Variants in USH2A observed in about 807,000 individuals in gnomAD.
The protein encoded by USH2A is usherin.
In USH2A, 443 loss-of-function variants were observed where a neutral mutation model predicts 538.9. The observed-to-expected ratio is 0.82, with a 90% CI of 0.76 to 0.89. The LOEUF is 0.89. Among genes scored for constraint, USH2A ranks in the 40% least tolerant of loss-of-function variants. The pLI is 0.00. For missense variants in USH2A, 6,633 were observed against 6,324.8 expected (o/e 1.05, Z -1.65); for synonymous variants, 2,413 against 2,273.5 (o/e 1.06, Z -1.75).
In USH2A at chr1:215,819,688, A is replaced by G. The variant is rs571929470; in HGVS notation, c.9372-2493T>C. ...TCCACAAAAGCTCGTGAACTAGTAAAGTCTAGAAAATACCACGTAGAGCAC... is the reference window on the plus strand; with the variant it reads ...TCCACAAAAGCTCGTGAACTAGTAAGGTCTAGAAAATACCACGTAGAGCAC... On this transcript the variant is annotated intron_variant, in intron 47 of 71. Transcript: ENST00000307340. Among the ~76,000 whole-genome samples, 5 of 151,956 alleles carry G rather than the reference A, an allele frequency of 3.3e-5. No homozygotes were observed. In the South Asian group the frequency reaches 1.0e-3, roughly 31 times the overall value.
At position 215,888,419 on chromosome 1, in the gene USH2A, A is replaced by G. The variant is rs1220194737; in HGVS notation, c.8223+7T>C. ...CTGCAAAGGAGAGAGAATAGTCAGT[A>G]TCTTACCTGGACTGCATCGGGTTCC... On this transcript the variant is annotated splice_region_variant and intron_variant, in intron 41 of 71. Transcript: ENST00000307340. 23 of 1,612,468 alleles carry G rather than the reference A, an allele frequency of 1.4e-5. No homozygotes were observed. Among genetic ancestry groups the G allele is most frequent in the East Asian group, 2.2e-5 (1 of 44,892 alleles).
intron 31 of USH2A, among the ~76,000 whole-genome samples, chr1:216,047,020 C>T (rs571193894): frequency 7.3e-4 from 111 of 152,238 alleles, no homozygotes; most frequent in African/African-American, 2.5e-3. Flanking sequence ...ATTGCCAGAG[C>T]TCGCATAACC....
At position 215,844,512 on chromosome 1, in the gene USH2A, G is replaced by A. The variant is rs915790630; in HGVS notation, c.9056-16C>T. The A allele has an allele frequency of 6.2e-7, 1 of 1,604,206 alleles. No individual in the cohort carries two copies. Among genetic ancestry groups the A allele is most frequent in the Non-Finnish European group, 8.5e-7 (1 of 1,179,338 alleles). The stretch of plus-strand genomic sequence containing the variant: ...CCCTGAGGCTCTAGAATTAAAGGAA[G>A]AAACTGAATAAACTCCAGCTGTCTC... On this transcript the variant is annotated splice_polypyrimidine_tract_variant and intron_variant, in intron 45 of 71. Coordinates refer to ENST00000307340, the MANE Select transcript of USH2A (RefSeq NM_206933.4).
chr1:215,990,627 A>C (rs1253358441), intron 35 of USH2A, among the ~76,000 whole-genome samples: 1 of 152,134 alleles, frequency 6.6e-6, no homozygotes, highest in Non-Finnish European at 1.5e-5. Flanking sequence ...GAGAAGAGGG[A>C]AAGTTTACTT....
chr1:216,150,329 C>T (rs2033806945), intron 21 of USH2A, among the ~76,000 whole-genome samples: 1 of 151,986 alleles, frequency 6.6e-6, no homozygotes, highest in African/African-American at 2.4e-5. Context: ...CCAATACTTC[C>T]ACCCTGATGA....
intron 32 of USH2A, among the ~76,000 whole-genome samples, chr1:216,014,764 G>A (rs1236942054): frequency 6.6e-6 from 1 of 152,206 alleles, no homozygotes; most frequent in African/African-American, 2.4e-5. Context: ...GCATCCCAGT[G>A]CATGGAAACC....
chr1:216,026,826 A>G (rs764304087), intron 32 of USH2A, among the ~76,000 whole-genome samples: 3 of 152,190 alleles, frequency 2.0e-5, no homozygotes, highest in Non-Finnish European at 4.4e-5. Context: ...GTTAAACCAC[A>G]TATGTCTACA....
intron 26 of USH2A, among the ~76,000 whole-genome samples, chr1:216,081,065 C>T (rs2031926491): frequency 6.6e-6 from 1 of 152,080 alleles, no homozygotes; most frequent in South Asian, 2.1e-4. Context: ...AACAAGTTCT[C>T]ATACCCGTAT....
chr1:216,224,618 G>T (rs1050122835), intron 14 of USH2A, among the ~76,000 whole-genome samples: 3 of 152,074 alleles, frequency 2.0e-5, no homozygotes, highest in Non-Finnish European at 4.4e-5. Flanking sequence ...GTGTTGCCTG[G>T]ATTTTTGTTG....
chr1:215,789,577 C>A (rs1661915240), intron 51 of USH2A, among the ~76,000 whole-genome samples: 1 of 152,290 alleles, frequency 6.6e-6, no homozygotes, highest in Admixed American at 6.5e-5. Context: ...ACTTTTGACA[C>A]AGGCATTTGC....
chr1:215,915,431 T>C (rs572325326), intron 38 of USH2A, among the ~76,000 whole-genome samples: 18 of 152,094 alleles, frequency 1.2e-4, no homozygotes, highest in Non-Finnish European at 2.2e-4. Flanking sequence ...AACAAATGTG[T>C]CGTTTAAATT....
intron 38 of USH2A, 36 bp downstream of exon 38, chr1:215,934,580 T>C (rs375924932): frequency 4.7e-5 from 75 of 1,599,254 alleles, no homozygotes; most frequent in Non-Finnish European, 6.0e-5. Context: ...AGGGCATTTA[T>C]ATAAAATTAG....
At chr1:216,198,680 T>G in intron 17 of USH2A, 96 bp from the exon 18 acceptor site, 2 of 1,078,384 alleles carry the variant, frequency 1.9e-6, no homozygotes, top group Non-Finnish European at 2.7e-6. Flanking sequence ...GTGCTGGATA[T>G]TCATTGTCTT....
intron 3 of USH2A, among the ~76,000 whole-genome samples, chr1:216,372,392 A>G (rs1043046642): frequency 6.6e-6 from 1 of 152,136 alleles, no homozygotes; most frequent in Non-Finnish European, 1.5e-5. Flanking sequence ...AAGCCAAGCC[A>G]GGCTCTTGAA....
chr1:216,233,216 C>T (rs935424407), intron 13 of USH2A, among the ~76,000 whole-genome samples: 4 of 152,086 alleles, frequency 2.6e-5, no homozygotes, highest in Non-Finnish European at 5.9e-5. Context: ...CTCATCCCCC[C>T]GCTCAGTCCA....
At chr1:216,295,878 A>G (rs1021714275) in intron 9 of USH2A, among the ~76,000 whole-genome samples, 1 of 151,814 alleles carries the variant, frequency 6.6e-6, no homozygotes, top group Admixed American at 6.6e-5. Context: ...TACAGAATAA[A>G]TAGTAACACA....
intron 9 of USH2A, among the ~76,000 whole-genome samples, chr1:216,296,224 A>C (rs2037101907): frequency 6.6e-6 from 1 of 152,082 alleles, no homozygotes; most frequent in Admixed American, 6.5e-5. Context: ...ATTGGTAAAA[A>C]ATAATTCACC....
intron 9 of USH2A, among the ~76,000 whole-genome samples, chr1:216,293,339 C>T (rs2037044954): frequency 6.6e-6 from 1 of 152,122 alleles, no homozygotes; most frequent in Non-Finnish European, 1.5e-5. Flanking sequence ...TTTTCTATGC[C>T]TTGGTGAATT....
At chr1:215,893,468 A>G (rs78420503) in intron 40 of USH2A, among the ~76,000 whole-genome samples, 3,324 of 152,286 alleles carry the variant, frequency 0.022, 57 homozygotes, top group East Asian at 0.064. Context: ...TTTCAAAGCT[A>G]AAGAACAAGA....
Sources: gnomAD v4.1 joint callset for allele counts (sites outside exome capture counted in the v4.1 genomes callset) on GRCh38, gnomAD v4.1.1 for gene constraint, MANE v1.5 for transcripts, NCBI Gene and HGNC (gene_info 2026-07-23, HGNC 2026-07-21) for gene names.